Variants in NRG1 observed in about 807,000 individuals in gnomAD.
NRG1 encodes the protein pro-neuregulin-1, membrane-bound isoform.
In NRG1, 18 loss-of-function variants were observed where a neutral mutation model predicts 63.8. That is an observed-to-expected ratio of 0.28 (90% CI 0.19 to 0.42). The LOEUF is 0.42. NRG1 is among the 10% of genes least tolerant of loss of function. The pLI, the probability that NRG1 is intolerant of heterozygous loss-of-function variation, is 1.00. For synonymous variants in NRG1, 302 were observed against 301.3 expected (o/e 1.00, Z -0.02); for missense variants, 762 against 814.7 (o/e 0.94, Z 0.79).
chr8:32,277,736 A>T (rs1337549991), intron 1 of NRG1, among the ~76,000 whole-genome samples: 1 of 152,144 alleles, frequency 6.6e-6, no homozygotes, highest in African/African-American at 2.4e-5. Context: ...GAGGCCGGGG[A>T]TGGTTAAGCA....
chr8:31,829,056 G>C (rs1000197535), intron 1 of NRG1, among the ~76,000 whole-genome samples: 9 of 152,198 alleles, frequency 5.9e-5, no homozygotes, highest in Non-Finnish European at 1.0e-4. Context: ...CTAGTCTCAT[G>C]CTTTCCACGT....
intron 1 of NRG1, among the ~76,000 whole-genome samples, chr8:31,809,902 A>T (rs1822717014): frequency 6.6e-6 from 1 of 150,524 alleles, no homozygotes; most frequent in Non-Finnish European, 1.5e-5. Flanking sequence ...CCGCAGTCTC[A>T]TGAATCCAAC....
At chr8:32,089,628 A>C (rs548119633) in intron 1 of NRG1, among the ~76,000 whole-genome samples, 1 of 152,320 alleles carries the variant, frequency 6.6e-6, no homozygotes, top group African/African-American at 2.4e-5. Flanking sequence ...TTTCAGCAAT[A>C]TGGCACTGTG....
At chr8:32,060,638 CG>C (rs993254749) in intron 1 of NRG1, among the ~76,000 whole-genome samples, 15 of 151,914 alleles carry the variant, frequency 9.9e-5, no homozygotes, top group Non-Finnish European at 1.5e-4. Flanking sequence ...ATATCTCAAA[CG>C]GAGATATTTG....
intron 1 of NRG1, among the ~76,000 whole-genome samples, chr8:32,028,223 T>G (rs1296024449): frequency 6.6e-6 from 1 of 152,222 alleles, no homozygotes; most frequent in Non-Finnish European, 1.5e-5. Context: ...TACCGTTTTT[T>G]TGGCCTCACT....
At chr8:31,842,424 T>A (rs558016099) in intron 1 of NRG1, among the ~76,000 whole-genome samples, 3 of 152,346 alleles carry the variant, frequency 2.0e-5, no homozygotes, top group African/African-American at 4.8e-5. Context: ...ACTTGGTGGG[T>A]TCAACTCAAT....
In NRG1 at chr8:32,720,802, GA is replaced by G. The variant is rs777156022; in HGVS notation, c.503-7140del. Among the ~76,000 whole-genome samples, 17 of 151,804 alleles carry G rather than the reference GA, an allele frequency of 1.1e-4. 1 individual carries two copies. The South Asian group carries it at 2.1e-3, about 19-fold the overall frequency. ...GTGCCATGAGTAAAATGCACTGTCT[GA>G]AAAAAACAGAAAAAAAACAGCAACT... is the stretch of plus-strand genomic sequence containing the variant. On this transcript the variant is annotated intron_variant, in intron 5 of 11. Transcript: ENST00000356819.
chr8:32,278,721 A>G (rs2129473004), intron 1 of NRG1, among the ~76,000 whole-genome samples: 1 of 152,156 alleles, frequency 6.6e-6, no homozygotes, highest in Admixed American at 6.5e-5. Context: ...CCTCCTTTCC[A>G]TGATACTCAT....
At chr8:31,858,886 G>A (rs1002086452) in intron 1 of NRG1, among the ~76,000 whole-genome samples, 9 of 152,054 alleles carry the variant, frequency 5.9e-5, no homozygotes, top group Non-Finnish European at 1.2e-4. Flanking sequence ...CTGATCTCTC[G>A]CGAACTGACT....
At chr8:32,190,624 G>A (rs1184915982) in intron 1 of NRG1, among the ~76,000 whole-genome samples, 3 of 152,130 alleles carry the variant, frequency 2.0e-5, no homozygotes, top group African/African-American at 7.2e-5. Context: ...CCCTTGAAAT[G>A]TCTCTATGAG....
Position 32,742,637 on chromosome 8 carries a change from C to A in NRG1, c.633-38C>A. Reference sequence around the variant, plus strand: ...ATATATTCACCTCTTCTCTTTTTCTCTGTTTTTCTACCATTGTTTTTTTGT... The same window carrying A: ...ATATATTCACCTCTTCTCTTTTTCTATGTTTTTCTACCATTGTTTTTTTGT... On this transcript the variant is annotated intron_variant, in intron 6 of 11. Transcript: ENST00000356819. This position sits in a 1 kb window ranked among gnomAD's most constrained non-coding sequence, Gnocchi z 4.2. 1 of 1,586,120 alleles carries A rather than the reference C, an allele frequency of 6.3e-7. No individual in the cohort carries two copies. The highest frequency in any genetic ancestry group is 1.1e-5 in the South Asian group (1 of 90,444).
At chr8:32,060,901 A>C (rs1449215261) in intron 1 of NRG1, among the ~76,000 whole-genome samples, 1 of 151,926 alleles carries the variant, frequency 6.6e-6, no homozygotes, top group East Asian at 1.9e-4. Context: ...AAATTGAGTC[A>C]AAAAGTGTGC....
chr8:31,966,043 G>A (rs1004141201), intron 1 of NRG1, among the ~76,000 whole-genome samples: 4 of 151,958 alleles, frequency 2.6e-5, no homozygotes, highest in Non-Finnish European at 5.9e-5. Context: ...TATACGGAGA[G>A]CCCAATCTTC....
chr8:32,322,318 T>C (rs569535303), intron 1 of NRG1, among the ~76,000 whole-genome samples: 2 of 151,272 alleles, frequency 1.3e-5, no homozygotes, highest in South Asian at 4.2e-4. Flanking sequence ...TCATTTGCAC[T>C]AAATAACGAT....
chr8:32,347,406 C>G (rs1282446062), intron 1 of NRG1, among the ~76,000 whole-genome samples: 1 of 152,120 alleles, frequency 6.6e-6, no homozygotes, highest in Admixed American at 6.5e-5. Context: ...GCAGGGTGTT[C>G]AATATGCTTC....
At chr8:31,750,478 G>A (rs574003415) in intron 1 of NRG1, among the ~76,000 whole-genome samples, 1 of 152,050 alleles carries the variant, frequency 6.6e-6, no homozygotes, top group South Asian at 2.1e-4. Context: ...GTGGTGATCT[G>A]TAAAAGAGAG....
chr8:31,934,314 T>C (rs1319131380), intron 1 of NRG1, among the ~76,000 whole-genome samples: 3 of 152,004 alleles, frequency 2.0e-5, no homozygotes, highest in Non-Finnish European at 2.9e-5. Context: ...TGTACATGTG[T>C]GTATATATAT....
chr8:31,991,434 A>G (rs550934050), intron 1 of NRG1, among the ~76,000 whole-genome samples: 13 of 149,286 alleles, frequency 8.7e-5, no homozygotes, highest in South Asian at 8.4e-4. Flanking sequence ...TCTCATCATC[A>G]TTATCATTTC....
chr8:32,548,129 C>T (rs1034666921), upstream of NRG1: 2 of 801,780 alleles, frequency 2.5e-6, no homozygotes, highest in South Asian at 1.1e-4. Context: ...GGGGCTGCGC[C>T]CGGGAGCGCC....
Sources: allele counts gnomAD v4.1 joint callset (sites outside exome capture counted in the v4.1 genomes callset), GRCh38; gene constraint gnomAD v4.1.1; non-coding constraint Gnocchi (gnomAD v3.1); transcripts MANE v1.5; gene names NCBI Gene and HGNC (gene_info 2026-07-23, HGNC 2026-07-21).